Variants in PRKN observed in about 807,000 individuals in gnomAD.
PRKN encodes the protein E3 ubiquitin-protein ligase parkin.
In PRKN, 56 loss-of-function variants were observed where a neutral mutation model predicts 59.5. The observed-to-expected ratio is 0.94, with a 90% confidence interval of 0.76 to 1.18. PRKN has a LOEUF of 1.18. PRKN is among the 50% of genes most tolerant of loss of function. The probability of loss-of-function intolerance (pLI) is 0.00; values close to 1 mark genes in which losing one functional copy is unlikely to be tolerated. For synonymous variants in PRKN, 250 were observed against 222.1 expected (o/e 1.13, Z -1.12); for missense variants, 657 against 596.4 (o/e 1.10, Z -1.06).
At chr6:162,248,357 T>A (rs867586513) in intron 3 of PRKN, among the ~76,000 whole-genome samples, 1 of 152,324 alleles carries the variant, frequency 6.6e-6, no homozygotes, top group Non-Finnish European at 1.5e-5. Context: ...AAAGGGTTAT[T>A]TTACACTCGT....
rs959561827 is a variant in PRKN at position 161,723,856 on chromosome 6, C to T, written c.871+61916G>A. Among the ~76,000 whole-genome samples the T allele has an allele frequency of 3.3e-5, 5 of 152,194 alleles. No individual in the cohort carries two copies. The East Asian group carries it at 9.6e-4, about 29-fold the overall frequency. On this transcript the variant is annotated intron_variant, in intron 7 of 11. Coordinates refer to ENST00000366898, the MANE Select transcript of PRKN (RefSeq NM_004562.3). ...GGATGCTTCCCTCAAGCTGGTTCAGCAGACCTGTTCTGCCCTCACGGCCTC... is the reference window on the plus strand; with the variant it reads ...GGATGCTTCCCTCAAGCTGGTTCAGTAGACCTGTTCTGCCCTCACGGCCTC...
intron 2 of PRKN, among the ~76,000 whole-genome samples, chr6:162,265,030 T>C (rs1028400167): frequency 6.6e-6 from 1 of 152,172 alleles, no homozygotes; most frequent in Non-Finnish European, 1.5e-5. Context: ...GATATCGCCA[T>C]ACTCCAGTCC....
At chr6:161,587,497 A>G (rs879634628) in intron 7 of PRKN, among the ~76,000 whole-genome samples, 8 of 152,144 alleles carry the variant, frequency 5.3e-5, no homozygotes, top group Non-Finnish European at 8.8e-5. Flanking sequence ...TCCAACTATA[A>G]ATAAAGCAAA....
chr6:162,045,962 G>A (rs1212223485), intron 5 of PRKN, among the ~76,000 whole-genome samples: 3 of 152,050 alleles, frequency 2.0e-5, no homozygotes, highest in South Asian at 2.1e-4. Flanking sequence ...AGCTTACAGC[G>A]GTATTTAATC....
rs944448034 is a variant in PRKN, at chr6:161,525,444, C to T, written c.1083+23410G>A. ...TCCAACATCTTGCTTTCAGCTTTGC[C>T]CTCTAAATACTGGAATAAAAGGGCC... On this transcript the variant is annotated intron_variant, in intron 9 of 11. Transcript: ENST00000366898. The surrounding 1 kb of genome is among the most constrained non-coding windows in gnomAD (Gnocchi z 4.7). Among the ~76,000 whole-genome samples the T allele has an allele frequency of 1.4e-4, 22 of 151,990 alleles. No homozygotes were observed. Among genetic ancestry groups the T allele is most frequent in the African/African-American group, 5.3e-4 (22 of 41,374 alleles).
At chr6:161,949,111 G>C (rs1489350480) in intron 6 of PRKN, among the ~76,000 whole-genome samples, 1 of 152,102 alleles carries the variant, frequency 6.6e-6, no homozygotes, top group Non-Finnish European at 1.5e-5. Flanking sequence ...CAGCGGGGTA[G>C]TTCCATGCAG....
chr6:162,227,947 AAACTT>A (rs1258281115), intron 3 of PRKN, among the ~76,000 whole-genome samples: 1 of 152,042 alleles, frequency 6.6e-6, no homozygotes, highest in Admixed American at 6.6e-5. Flanking sequence ...AAAAAAAAAA[AAACTT>A]AACTACTTAG....
chr6:162,154,739 G>C (rs1475970584), intron 4 of PRKN, among the ~76,000 whole-genome samples: 1 of 151,886 alleles, frequency 6.6e-6, no homozygotes, highest in Non-Finnish European at 1.5e-5. Flanking sequence ...AAGAGCATCA[G>C]GTAGTAAAAA....
chr6:161,973,231 G>A (rs528962770), intron 6 of PRKN, 71 bp downstream of exon 6: 10 of 953,260 alleles, frequency 1.0e-5, no homozygotes, highest in Non-Finnish European at 1.4e-5. Flanking sequence ...GTAAGGAGGG[G>A]GGAGTGATGC....
At chr6:162,464,034 CT>C (rs1038016588) in intron 1 of PRKN, among the ~76,000 whole-genome samples, 3 of 152,030 alleles carry the variant, frequency 2.0e-5, no homozygotes, top group African/African-American at 7.2e-5. Context: ...CTGCCCTGAC[CT>C]TTTTTTGAGA....
rs1402301811 is a variant in PRKN at position 161,575,067 on chromosome 6, T to A, written c.872-5651A>T. ...GTGCTCTTCTGTCGTGTTTTTCCTC[T>A]AGTTATTAAACCCATCACTCAACTG... On this transcript the variant is annotated intron_variant, in intron 7 of 11. Coordinates refer to ENST00000366898, the MANE Select transcript of PRKN (RefSeq NM_004562.3). The surrounding 1 kb of genome is among the most constrained non-coding windows in gnomAD (Gnocchi z 4.6). 1.3e-5 allele frequency among the ~76,000 whole-genome samples: 2 copies of A among 152,204 alleles called. No individual in the cohort carries two copies. Among genetic ancestry groups the A allele is most frequent in the Admixed American group, 1.3e-4 (2 of 15,278 alleles).
intron 8 of PRKN, among the ~76,000 whole-genome samples, chr6:161,564,070 T>C (rs1339960348): frequency 6.6e-6 from 1 of 152,198 alleles, no homozygotes; most frequent in South Asian, 2.1e-4. Context: ...CAGACATTAA[T>C]ATAAACATTT....
intron 1 of PRKN, among the ~76,000 whole-genome samples, chr6:162,460,721 T>C (rs1791112235): frequency 6.6e-6 from 1 of 152,174 alleles, no homozygotes; most frequent in Admixed American, 6.5e-5. Context: ...TAGAGAAAAC[T>C]GTAATCATGA....
chr6:162,586,678 A>G (rs1781073373), intron 1 of PRKN, among the ~76,000 whole-genome samples: 1 of 152,218 alleles, frequency 6.6e-6, no homozygotes, highest in Non-Finnish European at 1.5e-5. Flanking sequence ...TAATATCAAG[A>G]GCCAAACAGT....
intron 1 of PRKN, among the ~76,000 whole-genome samples, chr6:162,581,684 A>C (rs1184143076): frequency 1.3e-5 from 2 of 152,336 alleles, no homozygotes; most frequent in African/African-American, 4.8e-5. Flanking sequence ...ACTTGAACCC[A>C]GGAGGCAGAG....
At chr6:162,492,508 CAGA>C (rs1260441331) in intron 1 of PRKN, among the ~76,000 whole-genome samples, 1 of 152,164 alleles carries the variant, frequency 6.6e-6, no homozygotes, top group Admixed American at 6.5e-5. Flanking sequence ...AGTCGAGAAG[CAGA>C]AGAATGGCCG....
chr6:161,716,887 T>G (rs1787005320), intron 7 of PRKN, among the ~76,000 whole-genome samples: 1 of 152,148 alleles, frequency 6.6e-6, no homozygotes. Flanking sequence ...AGGGAACCAC[T>G]TGGAGTTCTT....
At chr6:162,078,248 T>G (rs1778916751) in intron 4 of PRKN, among the ~76,000 whole-genome samples, 1 of 152,072 alleles carries the variant, frequency 6.6e-6, no homozygotes, top group Non-Finnish European at 1.5e-5. Flanking sequence ...TCTCATGACT[T>G]TAGTGCATGG....
At chr6:162,292,333 C>G (rs183067598) in intron 2 of PRKN, among the ~76,000 whole-genome samples, 1 of 152,140 alleles carries the variant, frequency 6.6e-6, no homozygotes, top group Non-Finnish European at 1.5e-5. Flanking sequence ...ACCAGAGATG[C>G]AACACCATAA....
Sources: gnomAD v4.1 joint callset for allele counts (sites outside exome capture counted in the v4.1 genomes callset) on GRCh38, gnomAD v4.1.1 for gene constraint, Gnocchi (gnomAD v3.1) non-coding constraint, MANE v1.5 for transcripts, NCBI Gene and HGNC (gene_info 2026-07-23, HGNC 2026-07-21) for gene names.